GLI3: variants seen among roughly 807,000 people sequenced by gnomAD.
GLI3 encodes GLI family zinc finger 3.
A neutral mutation model predicts 100.8 loss-of-function variants in GLI3; 20 were observed. That is an observed-to-expected ratio of 0.20 (90% CI 0.14 to 0.29). The LOEUF is 0.29. Among genes scored for constraint, GLI3 ranks in the 10% least tolerant of loss-of-function variants. The pLI, the probability that GLI3 is intolerant of heterozygous loss-of-function variation, is 1.00. For synonymous variants in GLI3, 938 were observed against 860.5 expected, an observed-to-expected ratio of 1.09 and a Z score of -1.58; for missense variants, 2,040 against 2,128.5, an observed-to-expected ratio of 0.96 and a Z score of 0.82.
At chr7:42,254,936 T>A (rs1352609971) in intron 1 of GLI3, among the ~76,000 whole-genome samples, 1 of 151,718 alleles carries the variant, frequency 6.6e-6, no homozygotes, top group East Asian at 1.9e-4. Context: ...AATTCAAAAT[T>A]TTTCCTGTAA....
intron 10 of GLI3, among the ~76,000 whole-genome samples, chr7:42,008,558 C>A (rs1788524942): frequency 6.6e-6 from 1 of 152,180 alleles, no homozygotes; most frequent in Admixed American, 6.5e-5. Context: ...ATCCTCCAGC[C>A]TCAGCCTCCC....
chr7:42,154,050 C>A lies in GLI3; in HGVS notation c.125-5582G>T, dbSNP rs529389072. Among the ~76,000 whole-genome samples the A allele has an allele frequency of 2.0e-5, 3 of 151,562 alleles. No homozygotes were observed. In the South Asian group the frequency reaches 6.3e-4, roughly 32 times the overall value. On this transcript the variant is annotated intron_variant, in intron 2 of 14. Transcript: ENST00000395925. ...CCTGGGTAGGCTTTTGGAATGATACCTGGATATGTGCCCCAACATCCACTA... is the reference window on the plus strand; with the variant it reads ...CCTGGGTAGGCTTTTGGAATGATACATGGATATGTGCCCCAACATCCACTA...
intron 10 of GLI3, among the ~76,000 whole-genome samples, chr7:41,985,643 C>T (rs1440900869): frequency 6.6e-6 from 1 of 152,074 alleles, no homozygotes; most frequent in Non-Finnish European, 1.5e-5. Context: ...AAACACTTTC[C>T]ACAAGAATCC....
At chr7:42,241,456 C>A (rs1788923964), upstream of GLI3, among the ~76,000 whole-genome samples, 1 of 152,152 alleles carries the variant, frequency 6.6e-6, no homozygotes, top group Admixed American at 6.5e-5. Context: ...TACTAGGGAA[C>A]AAAGGTAGAT....
At position 41,994,886 on chromosome 7, in the gene GLI3, C is replaced by T. The variant is rs561974683; in HGVS notation, c.1498-16138G>A. ...TTCAGGCACATGCCTGTGACATATA[C>T]GTGGCTTTCATAATGATCTCCACAT... On this transcript the variant is annotated intron_variant, in intron 10 of 14. Transcript: ENST00000395925. 2.6e-5 allele frequency among the ~76,000 whole-genome samples: 4 copies of T among 152,282 alleles called. 1 individual carries two copies. Among genetic ancestry groups the T allele is most frequent in the African/African-American group, 4.8e-5 (2 of 41,564 alleles).
chr7:42,132,371 A>G (rs1015409010), intron 3 of GLI3, among the ~76,000 whole-genome samples: 5 of 152,170 alleles, frequency 3.3e-5, no homozygotes, highest in Admixed American at 6.5e-5. Context: ...AAGTGCTGGG[A>G]TTACAGGCGT....
intron 4 of GLI3, among the ~76,000 whole-genome samples, chr7:42,074,982 G>A (rs1784850326): frequency 1.3e-5 from 2 of 152,168 alleles, no homozygotes; most frequent in Non-Finnish European, 1.5e-5. Flanking sequence ...TGACTCCCCC[G>A]ACTCTGCCTA....
At chr7:42,046,591 C>T (rs566007745) in intron 5 of GLI3, among the ~76,000 whole-genome samples, 47 of 152,276 alleles carry the variant, frequency 3.1e-4, no homozygotes, top group Non-Finnish European at 6.0e-4. Flanking sequence ...TATATATACT[C>T]GTCATCAAAT....
At chr7:42,071,222 G>A (rs1784778142) in intron 4 of GLI3, among the ~76,000 whole-genome samples, 1 of 151,938 alleles carries the variant, frequency 6.6e-6, no homozygotes, top group Non-Finnish European at 1.5e-5. Flanking sequence ...TTTTTGGGGG[G>A]GCGGTGGGGA....
chr7:42,148,226 G>C lies in GLI3; in HGVS notation c.367C>G (p.His123Asp). 1 of 1,608,442 alleles carries C rather than the reference G, an allele frequency of 6.2e-7. No homozygotes were observed. The highest frequency in any genetic ancestry group is 8.5e-7 in the Non-Finnish European group (1 of 1,176,908). Residue 123 changes from histidine (H) to aspartate (D), a missense_variant and splice_region_variant, in exon 3 of 15, where the codon CAC becomes GAC. Around this residue, in one of 5 missense-constraint regions of GLI3, gnomAD observed 603 missense variants for 690.9 expected, o/e 0.87. Coordinates refer to ENST00000395925, the MANE Select transcript of GLI3 (RefSeq NM_000168.6). ...AGTGCCGACTGGCATGGGCACTTAC[G>C]GTAGTGGGGCTCCATGTAACCATTC... is the stretch of plus-strand genomic sequence containing the variant. Reference protein sequence around the residue: ...PRNGYMEPHYHPPHLFPAFHP... With the variant: ...PRNGYMEPHYDPPHLFPAFHP...
intron 1 of GLI3, among the ~76,000 whole-genome samples, chr7:42,235,686 AT>A (rs1472083600): frequency 6.6e-6 from 1 of 152,178 alleles, no homozygotes; most frequent in Non-Finnish European, 1.5e-5. Flanking sequence ...TTTAGAACTA[AT>A]AATACCAGCC....
At chr7:42,141,792 A>G (rs1786574891) in intron 3 of GLI3, among the ~76,000 whole-genome samples, 1 of 152,222 alleles carries the variant, frequency 6.6e-6, no homozygotes, top group South Asian at 2.1e-4. Context: ...GTTGTGTACA[A>G]TAACTAAATT....
intron 2 of GLI3, among the ~76,000 whole-genome samples, chr7:42,193,078 G>C (rs150228633): frequency 9.7e-4 from 148 of 152,240 alleles, no homozygotes; most frequent in Middle Eastern, 3.4e-3. Flanking sequence ...AAAAGGTGAC[G>C]ATTTTTTGAC....
chr7:41,977,615 C>A lies in GLI3; in HGVS notation c.1755G>T (p.Lys585Asn). 6.2e-7 allele frequency: 1 copy of A among 1,614,210 alleles called. No individual in the cohort carries two copies. Among genetic ancestry groups the A allele is most frequent in the Non-Finnish European group, 8.5e-7 (1 of 1,180,026 alleles). The part of the protein sequence containing the change: ...PYVCEHEGCN[K>N]AFSNASDRAK... ...CGCGATCAGAGGCATTTGAGAAAGC[C>A]TTGTTGCAACCTTCGTGCTCACAGA... Residue 585 changes from lysine to asparagine, a missense_variant, in exon 12 of 15, where the codon AAG (lysine) becomes AAT (asparagine). Lys to Asn is a moderately conservative substitution (Grantham distance 94). Transcript: ENST00000395925.
chr7:42,146,242 C>A (rs1029589681), intron 3 of GLI3, among the ~76,000 whole-genome samples: 4 of 152,084 alleles, frequency 2.6e-5, no homozygotes, highest in Admixed American at 2.0e-4. Flanking sequence ...AACCTCAAAA[C>A]AGAGTGATGA....
At chr7:42,229,246 C>CT (rs1157434532) in intron 1 of GLI3, among the ~76,000 whole-genome samples, 3 of 152,116 alleles carry the variant, frequency 2.0e-5, no homozygotes, top group African/African-American at 4.8e-5. Flanking sequence ...ACTCTCTTCT[C>CT]TTTTTTTTCT....
intron 7 of GLI3, among the ~76,000 whole-genome samples, chr7:42,026,800 C>T (rs1789130053): frequency 6.6e-6 from 1 of 152,196 alleles, no homozygotes; most frequent in South Asian, 2.1e-4. Flanking sequence ...TTAATCTTAG[C>T]TCACACTGCA....
At chr7:42,138,515 G>C (rs959361038) in intron 3 of GLI3, among the ~76,000 whole-genome samples, 2 of 152,178 alleles carry the variant, frequency 1.3e-5, no homozygotes, top group Non-Finnish European at 2.9e-5. Flanking sequence ...AGATTCTCTA[G>C]CAGGGAGCGA....
intron 2 of GLI3, among the ~76,000 whole-genome samples, chr7:42,148,941 A>G (rs1040293658): frequency 1.1e-4 from 16 of 152,190 alleles, no homozygotes; most frequent in Non-Finnish European, 1.8e-4. Flanking sequence ...TGGTTGCTCC[A>G]GGGGATGTAG....
Sources: allele counts gnomAD v4.1 joint callset (sites outside exome capture counted in the v4.1 genomes callset), GRCh38; gene constraint gnomAD v4.1.1; regional missense constraint gnomAD v4.1.1; transcripts MANE v1.5; gene names NCBI Gene and HGNC (gene_info 2026-07-23, HGNC 2026-07-21).